The following ABCC9 variants were observed in gnomAD, a reference collection of about 807,000 sequenced individuals.
ABCC9 encodes ATP binding cassette subfamily C member 9.
ABCC9 carries 95 observed loss-of-function variants against 188.3 expected under a neutral mutation model. That is an observed-to-expected ratio of 0.50 (90% CI 0.43 to 0.60). The LOEUF (loss-of-function observed/expected upper bound fraction) is 0.60. Ranked by LOEUF, ABCC9 falls within the 20% of genes least tolerant of loss-of-function variation. ABCC9 has a pLI of 0.00. For synonymous variants in ABCC9, 659 were observed against 652.7 expected (o/e 1.01, Z -0.15); for missense variants, 1,102 against 1,876.3 (o/e 0.59, Z 7.62).
chr12:21,863,626 G>A (rs972370367), intron 19 of ABCC9, among the ~76,000 whole-genome samples: 3 of 151,994 alleles, frequency 2.0e-5, no homozygotes, highest in Non-Finnish European at 2.9e-5. Flanking sequence ...AAAATATATT[G>A]AAATCGCTTA....
intron 22 of ABCC9, among the ~76,000 whole-genome samples, chr12:21,856,365 A>G (rs911552486): frequency 6.6e-5 from 10 of 152,108 alleles, no homozygotes; most frequent in Non-Finnish European, 1.2e-4. Context: ...TAATATATAT[A>G]TGTACAGTCT....
At chr12:21,898,503 G>C (rs1168716435) in intron 12 of ABCC9, among the ~76,000 whole-genome samples, 1 of 152,126 alleles carries the variant, frequency 6.6e-6, no homozygotes, top group Admixed American at 6.5e-5. Context: ...AATGTATCAA[G>C]CATTAGGGCT....
intron 33 of ABCC9, among the ~76,000 whole-genome samples, chr12:21,816,477 A>G (rs1268623929): frequency 6.6e-6 from 1 of 152,160 alleles, no homozygotes; most frequent in Non-Finnish European, 1.5e-5. Context: ...GAGGGCTCCA[A>G]GAGGAAACAG....
chr12:21,899,867 A>G (rs1000555612), intron 12 of ABCC9, among the ~76,000 whole-genome samples: 2 of 152,224 alleles, frequency 1.3e-5, no homozygotes, highest in African/African-American at 4.8e-5. Context: ...CTGCCTCTGT[A>G]GACTCCACCT....
At chr12:21,814,586 A>G in intron 35 of ABCC9, 58 bp downstream of exon 35, 1 of 1,376,698 alleles carries the variant, frequency 7.3e-7, no homozygotes, top group Non-Finnish European at 1.0e-6. Flanking sequence ...AGGTAAATTG[A>G]TGTTTTTTTA....
rs1941388194 is a variant in ABCC9 at position 21,800,781 on chromosome 12, T to G, written c.*263A>C. The G allele has an allele frequency of 8.8e-6, 4 of 452,012 alleles. No homozygotes were observed. Among genetic ancestry groups the G allele is most frequent in the Admixed American group, 7.3e-5 (2 of 27,500 alleles). The allele number at this position is 452,012 out of a possible 1,614,324, so 28.0% of individuals were successfully genotyped here. ...AAAACTTTAGCTATTGATTTATCACTTAAAGTAGCTTACATGTTTTAATAC... is the reference window on the plus strand; with the variant it reads ...AAAACTTTAGCTATTGATTTATCACGTAAAGTAGCTTACATGTTTTAATAC... On this transcript the variant is annotated 3_prime_UTR_variant, in exon 40 of 40. Coordinates refer to ENST00000261200, the MANE Select transcript of ABCC9 (RefSeq NM_020297.4).
At position 21,847,336 on chromosome 12, in the gene ABCC9, T is replaced by C. The variant is rs190329169; in HGVS notation, c.2866+814A>G. On this transcript the variant is annotated intron_variant, in intron 25 of 39. Coordinates refer to ENST00000261200, the MANE Select transcript of ABCC9 (RefSeq NM_020297.4). ...AATTCTTTAAGAACATTTTTAATCA[T>C]AGAAATTGAAAGTAAAATGTAGCCT... Among the ~76,000 whole-genome samples the C allele has an allele frequency of 5.3e-5, 8 of 152,292 alleles. No homozygotes were observed. In the East Asian group the frequency reaches 1.5e-3, roughly 29 times the overall value.
chr12:21,922,839 C>T (rs1216679750), intron 5 of ABCC9: 4 of 142,830 alleles, frequency 2.8e-5, no homozygotes, highest in East Asian at 4.1e-4. Flanking sequence ...AAGCAAACTT[C>T]GGAGGAAAAC....
Position 21,815,771 on chromosome 12 carries a change from C to A in ABCC9, c.4015G>T (p.Gly1339Ter). ...ATGCAGTGATTTCATACCTTTTGTC[C>A]AGGTTTGATGTAAGCCTTGACGTGC... ...LKHVKAYIKP[G>*]QKVGICGRTG... The change falls in exon 34 of 40, where the codon GGA (glycine) becomes TGA (stop). Residue 1339 changes from glycine (G) to a stop codon, truncating the protein, a stop_gained. Coordinates refer to ENST00000261200, the MANE Select transcript of ABCC9 (RefSeq NM_020297.4). LOFTEE classifies it high-confidence loss of function. 6.2e-7 allele frequency: 1 copy of A among 1,612,704 alleles called. No individual in the cohort carries two copies. Among genetic ancestry groups the A allele is most frequent in the African/African-American group, 1.3e-5 (1 of 74,914 alleles).
chr12:21,925,417 A>C, intron 5 of ABCC9: 1 of 681,692 alleles, frequency 1.5e-6, no homozygotes, highest in Non-Finnish European at 2.7e-6. Context: ...GCTCCTCAGG[A>C]CAGCATACTT....
intron 12 of ABCC9, among the ~76,000 whole-genome samples, chr12:21,902,989 A>C (rs1330910590): frequency 5.3e-5 from 8 of 152,300 alleles, no homozygotes; most frequent in East Asian, 3.9e-4. Flanking sequence ...CACACACACA[A>C]AAAAGAGAAT....
intron 25 of ABCC9, among the ~76,000 whole-genome samples, chr12:21,846,789 A>G (rs904817748): frequency 6.6e-6 from 1 of 152,130 alleles, no homozygotes; most frequent in African/African-American, 2.4e-5. Context: ...TGTCTCCCCA[A>G]TACCCATTCT....
chr12:21,864,583 G>A, intron 18 of ABCC9, 106 bp from the exon 19 acceptor site: 1 of 786,270 alleles, frequency 1.3e-6, no homozygotes, highest in Admixed American at 2.0e-5. Flanking sequence ...ATATTAAAGA[G>A]CACATTTCCC....
intron 30 of ABCC9, 75 bp from the exon 31 acceptor site, chr12:21,829,135 C>G: frequency 1.2e-6 from 1 of 810,430 alleles, no homozygotes; most frequent in Non-Finnish European, 2.0e-6. Context: ...TATTACTACA[C>G]TATTTACTCA....
intron 35 of ABCC9, among the ~76,000 whole-genome samples, chr12:21,814,067 G>A (rs909317611): frequency 1.1e-4 from 16 of 151,966 alleles, no homozygotes; most frequent in Non-Finnish European, 1.8e-4. Context: ...TTATTTCTAC[G>A]CTCTTGTGTA....
chr12:21,884,812 T>C (rs1279171430), intron 15 of ABCC9, among the ~76,000 whole-genome samples: 1 of 152,202 alleles, frequency 6.6e-6, no homozygotes. Context: ...TCATGAACTT[T>C]ATTTTAGTTT....
intron 28 of ABCC9, among the ~76,000 whole-genome samples, chr12:21,843,806 C>G (rs1235534358): frequency 6.6e-6 from 1 of 152,162 alleles, no homozygotes; most frequent in East Asian, 1.9e-4. Flanking sequence ...TCATACTCTG[C>G]AGTCAGCTGC....
chr12:21,930,924 C>A (rs1193178525), intron 4 of ABCC9, among the ~76,000 whole-genome samples: 1 of 152,116 alleles, frequency 6.6e-6, no homozygotes, highest in Non-Finnish European at 1.5e-5. Flanking sequence ...TATAGGGAAT[C>A]TCTCTATTTT....
At chr12:21,863,790 T>C (rs538819879) in intron 19 of ABCC9, among the ~76,000 whole-genome samples, 3 of 152,240 alleles carry the variant, frequency 2.0e-5, no homozygotes, top group African/African-American at 7.2e-5. Context: ...TTTCCACAGT[T>C]AGTTCATGAT....
Sources: allele counts gnomAD v4.1 joint callset (sites outside exome capture counted in the v4.1 genomes callset), GRCh38; gene constraint gnomAD v4.1.1; transcripts MANE v1.5; gene names NCBI Gene and HGNC (gene_info 2026-07-23, HGNC 2026-07-21).